The following KIAA0319 variants were observed in gnomAD, a reference collection of about 807,000 sequenced individuals.
The protein encoded by KIAA0319 is KIAA0319.
In KIAA0319, 83 loss-of-function variants were observed where a neutral mutation model predicts 108.4. The observed-to-expected ratio is 0.77, with a 90% CI of 0.64 to 0.92. The LOEUF is 0.92. Ranked by LOEUF, KIAA0319 falls within the 40% of genes least tolerant of loss-of-function variation. KIAA0319 has a pLI of 0.00. For missense variants in KIAA0319, 1,195 were observed against 1,322.4 expected, an observed-to-expected ratio of 0.90 and a Z score of 1.49; for synonymous variants, 484 against 510.4, an observed-to-expected ratio of 0.95 and a Z score of 0.70.
chr6:24,566,948 A>G (rs116202970), intron 13 of KIAA0319, among the ~76,000 whole-genome samples, 200 bp from the exon 14 acceptor site: 2,601 of 152,288 alleles, frequency 0.017, 40 homozygotes, highest in Middle Eastern at 0.041. Flanking sequence ...TTAGTTAGCT[A>G]TAATTTGGGA....
chr6:24,559,585 T>G (rs1762810390), intron 16 of KIAA0319, among the ~76,000 whole-genome samples: 1 of 149,574 alleles, frequency 6.7e-6, no homozygotes, highest in African/African-American at 2.5e-5. Context: ...TTTGTATCCT[T>G]TAATATATTC....
At chr6:24,597,860 G>C (rs1216513988) in intron 2 of KIAA0319, among the ~76,000 whole-genome samples, 1 of 134,408 alleles carries the variant, frequency 7.4e-6, no homozygotes, top group African/African-American at 2.7e-5. Context: ...TGAGGCTGTA[G>C]TGAGCCATGA....
intron 6 of KIAA0319, among the ~76,000 whole-genome samples, chr6:24,581,763 C>A (rs1766579251): frequency 6.6e-6 from 1 of 152,192 alleles, no homozygotes; most frequent in African/African-American, 2.4e-5. Flanking sequence ...TAAAGAAACG[C>A]CATCCAAAGC....
chr6:24,607,696 G>A (rs531617844), intron 1 of KIAA0319, among the ~76,000 whole-genome samples: 1 of 152,076 alleles, frequency 6.6e-6, no homozygotes, highest in Admixed American at 6.5e-5. Context: ...ACTTCCTGAG[G>A]AAAGCGACTA....
At chr6:24,565,732 G>A (rs542831591) in intron 14 of KIAA0319, among the ~76,000 whole-genome samples, 7 of 121,422 alleles carry the variant, frequency 5.8e-5, no homozygotes, top group South Asian at 2.7e-4. Flanking sequence ...CAGCCTGGGC[G>A]ATAGAGTGAG....
rs1029426170 is a variant in KIAA0319, at chr6:24,599,689, C to A, written c.55+1360G>T. ...TTTGGCTCTGGCGGGTGCTCCAGCTCCTTCAGCAGCACCAACTCCTTCAGG... is the reference window on the plus strand; with the variant it reads ...TTTGGCTCTGGCGGGTGCTCCAGCTACTTCAGCAGCACCAACTCCTTCAGG... On this transcript the variant is annotated intron_variant, in intron 2 of 20. Transcript: ENST00000378214. This position sits in a 1 kb window ranked among gnomAD's most constrained non-coding sequence, Gnocchi z 4.1. 15 of 604,202 alleles carry A rather than the reference C, an allele frequency of 2.5e-5. No individual in the cohort carries two copies. Among genetic ancestry groups the A allele is most frequent in the Non-Finnish European group, 4.0e-5 (13 of 327,024 alleles). The allele number at this position is 604,202 out of a possible 1,614,324, so 37.4% of individuals were successfully genotyped here.
chr6:24,629,221 T>C (rs1445733052), intron 1 of KIAA0319, among the ~76,000 whole-genome samples: 1 of 151,964 alleles, frequency 6.6e-6, no homozygotes, highest in Non-Finnish European at 1.5e-5. Context: ...CAGCCAATGA[T>C]GGAATCAATG....
rs765300257 is a variant in KIAA0319 at position 24,581,007 on chromosome 6, C to A, written c.1198G>T (p.Val400Phe). 6.2e-7 allele frequency: 1 copy of A among 1,605,296 alleles called. No individual in the cohort carries two copies. The highest frequency in any genetic ancestry group is 1.3e-5 in the African/African-American group (1 of 74,732). Reference protein sequence around the residue: ...KQTLNLSQLSVGLYVFKVTVS... With the variant: ...KQTLNLSQLSFGLYVFKVTVS... The stretch of plus-strand genomic sequence containing the variant: ...GTGACTTTGAAGACATAAAGTCCGA[C>A]GGACAACTGTAACATAAAGAAAAGT... The change falls in exon 7 of 21, where the codon GTC becomes TTC. Residue 400 changes from valine to phenylalanine, a missense_variant. By Grantham distance (50) the Val-to-Phe change is conservative. Transcript: ENST00000378214.
chr6:24,618,112 T>C (rs181155490), intron 1 of KIAA0319, among the ~76,000 whole-genome samples: 39 of 152,312 alleles, frequency 2.6e-4, no homozygotes, highest in Middle Eastern at 3.4e-3. Flanking sequence ...CCTTCAAGAA[T>C]TGGCAACCAT....
At chr6:24,551,311 C>G (rs540651158) in intron 20 of KIAA0319, 123 bp downstream of exon 20, 2 of 707,060 alleles carry the variant, frequency 2.8e-6, no homozygotes, top group African/African-American at 3.5e-5. Flanking sequence ...CAGCCTCACT[C>G]TTCCTTCCCA....
At chr6:24,591,278 T>C (rs529386112) in intron 3 of KIAA0319, among the ~76,000 whole-genome samples, 46 of 152,264 alleles carry the variant, frequency 3.0e-4, no homozygotes, top group African/African-American at 1.1e-3. Flanking sequence ...AGTCTGCATT[T>C]AACATTTTGA....
At chr6:24,551,013 C>T (rs1338428609) in intron 20 of KIAA0319, among the ~76,000 whole-genome samples, 2 of 152,156 alleles carry the variant, frequency 1.3e-5, no homozygotes, top group Non-Finnish European at 2.9e-5. Flanking sequence ...GAGTCTCAGT[C>T]TGTAGCCCAA....
chr6:24,592,239 T>G (rs1768610566), intron 3 of KIAA0319, among the ~76,000 whole-genome samples: 1 of 152,184 alleles, frequency 6.6e-6, no homozygotes, highest in South Asian at 2.1e-4. Context: ...AATTCATTCT[T>G]TTGCATGTAA....
intron 2 of KIAA0319, chr6:24,598,701 C>T: frequency 3.8e-6 from 1 of 262,192 alleles, no homozygotes; most frequent in East Asian, 1.0e-4. Context: ...CATGGTGAAA[C>T]CCTGTCTCTA....
intron 1 of KIAA0319, among the ~76,000 whole-genome samples, chr6:24,616,449 C>G (rs1418624442): frequency 6.6e-6 from 1 of 152,176 alleles, no homozygotes. Context: ...CCTCCGCCTC[C>G]CGGGTTCAAG....
intron 11 of KIAA0319, among the ~76,000 whole-genome samples, chr6:24,572,346 C>T (rs187437200): frequency 1.1e-3 from 169 of 152,352 alleles, no homozygotes; most frequent in African/African-American, 3.7e-3. Flanking sequence ...GAAGCATCCA[C>T]AAGGCAAATC....
At chr6:24,598,428 T>A (rs905275352) in intron 2 of KIAA0319, 3 of 583,116 alleles carry the variant, frequency 5.1e-6, no homozygotes, top group Non-Finnish European at 9.9e-6. Flanking sequence ...AGAAGACAGT[T>A]TGGATGAATG....
At chr6:24,630,710 T>TATATATATATATATATATATATACAC (rs373537245) in intron 1 of KIAA0319, among the ~76,000 whole-genome samples, 1 of 138,688 alleles carries the variant, frequency 7.2e-6, no homozygotes, top group African/African-American at 3.0e-5. Flanking sequence ...TATACACATA[T>TATATATATATATATATATATATACAC]ACACACAAAC....
chr6:24,645,304 A>C (rs1161428468), intron 1 of KIAA0319, among the ~76,000 whole-genome samples: 3 of 152,176 alleles, frequency 2.0e-5, no homozygotes, highest in Non-Finnish European at 4.4e-5. Context: ...TAAGATGATA[A>C]CTCTCAAAAT....
Sources: allele counts gnomAD v4.1 joint callset (sites outside exome capture counted in the v4.1 genomes callset), GRCh38; gene constraint gnomAD v4.1.1; non-coding constraint Gnocchi (gnomAD v3.1); transcripts MANE v1.5; gene names NCBI Gene and HGNC (gene_info 2026-07-23, HGNC 2026-07-21).